The following ZNF600 variants were observed in gnomAD, a reference collection of about 807,000 sequenced individuals.
The protein encoded by ZNF600 is zinc finger protein 600.
In ZNF600, 4 loss-of-function variants were observed where a neutral mutation model predicts 7.3. That is an observed-to-expected ratio of 0.55 (90% confidence interval 0.27 to 1.25). The LOEUF (loss-of-function observed/expected upper bound fraction) is 1.25, where lower values mean the gene tolerates loss of function less well. ZNF600 is among the 50% of genes most tolerant of loss of function. The pLI, the probability that ZNF600 is intolerant of heterozygous loss-of-function variation, is 0.12. For missense variants in ZNF600, 911 were observed against 922.1 expected (o/e 0.99, Z 0.16); for synonymous variants, 290 against 308.9 (o/e 0.94, Z 0.64).
chr19:52,818,611 G>A, the ZNF600 span, among the ~76,000 whole-genome samples: 3 of 152,162 alleles, frequency 2.0e-5, no homozygotes, highest in Non-Finnish European at 2.9e-5. Flanking sequence ...TCAGGAGGCT[G>A]AGGTAGAATT....
rs532455655 is a variant in ZNF600, at chr19:52,767,948, C to G, written c.191-176G>C. The stretch of plus-strand genomic sequence containing the variant: ...TAATAAACAAGGGGCAATTACATGT[C>G]CTTCAAATCAATTCTATGAAAGTCT... On this transcript the variant is annotated intron_variant, in intron 3 of 3. Transcript: ENST00000648973. Among the ~76,000 whole-genome samples the G allele has an allele frequency of 1.8e-4, 27 of 152,202 alleles. No homozygotes were observed. In the East Asian group the frequency reaches 2.5e-3, roughly 14 times the overall value.
chr19:52,807,498 G>A, the ZNF600 span, among the ~76,000 whole-genome samples: 1 of 152,200 alleles, frequency 6.6e-6, no homozygotes, highest in African/African-American at 2.4e-5. Flanking sequence ...TTTTGAGACA[G>A]AGTCTTGCTC....
the ZNF600 span, among the ~76,000 whole-genome samples, chr19:52,824,664 G>A: frequency 2.2e-4 from 33 of 152,058 alleles, no homozygotes; most frequent in Middle Eastern, 3.4e-3. Context: ...CTTTAAAGAC[G>A]AAAATAAAGA....
chr19:52,766,032 A>T (rs767914082), exon 4 of ZNF600: 2 of 1,614,126 alleles, frequency 1.2e-6, no homozygotes, highest in Non-Finnish European at 1.7e-6. Context: ...TCCAGTATGA[A>T]GTCTACGATG....
At chr19:52,791,189 A>C (rs1328804003), upstream of ZNF600, among the ~76,000 whole-genome samples, 1 of 152,212 alleles carries the variant, frequency 6.6e-6, no homozygotes, top group Non-Finnish European at 1.5e-5. Context: ...ACATCCAGAC[A>C]TGGCCCCTGA....
intron 1 of ZNF600, among the ~76,000 whole-genome samples, chr19:52,785,704 T>C (rs2090006895): frequency 1.3e-5 from 2 of 152,078 alleles, no homozygotes; most frequent in Non-Finnish European, 2.9e-5. Context: ...CTCCAGCACC[T>C]CAGATCCCCA....
intron 1 of ZNF600, among the ~76,000 whole-genome samples, 155 bp from the exon 2 acceptor site, chr19:52,781,619 A>T (rs2062722306): frequency 6.6e-6 from 1 of 152,154 alleles, no homozygotes; most frequent in African/African-American, 2.4e-5. Flanking sequence ...ACAAAAAATT[A>T]GCCAGGCATC....
the ZNF600 span, chr19:52,809,960 C>A: frequency 8.7e-6 from 7 of 804,850 alleles, no homozygotes. Flanking sequence ...GCGCAGGGGA[C>A]GATGGGAACG....
At chr19:52,766,586 G>C (rs562524717) in exon 4 of ZNF600, 1 of 1,613,880 alleles carries the variant, frequency 6.2e-7, no homozygotes, top group African/African-American at 1.3e-5. Context: ...CCTTGTCACA[G>C]ACCTTACATT....
At chr19:52,767,882 T>C (rs1961390557) in intron 3 of ZNF600, 110 bp from the exon 6 acceptor site, 3 of 1,412,740 alleles carry the variant, frequency 2.1e-6, no homozygotes. Context: ...TTCCCAAATA[T>C]CATCTTCAAA....
chr19:52,776,439 T>G (rs2062676061), intron 2 of ZNF600, among the ~76,000 whole-genome samples: 1 of 151,248 alleles, frequency 6.6e-6, no homozygotes, highest in African/African-American at 2.4e-5. Flanking sequence ...TGAGATGGAG[T>G]CTCACTCTAT....
At chr19:52,791,917 C>T in the ZNF600 span, among the ~76,000 whole-genome samples, 2 of 152,210 alleles carry the variant, frequency 1.3e-5, no homozygotes, top group Non-Finnish European at 2.9e-5. Flanking sequence ...ACAGGCTGAG[C>T]TCAGCCCTCA....
chr19:52,830,794 G>T, the ZNF600 span, among the ~76,000 whole-genome samples: 70 of 149,286 alleles, frequency 4.7e-4, no homozygotes, highest in African/African-American at 1.6e-3. Flanking sequence ...TATCATGTGA[G>T]GCAAGGCCAG....
chr19:52,782,496 C>G (rs911093176), intron 1 of ZNF600, among the ~76,000 whole-genome samples: 3 of 151,326 alleles, frequency 2.0e-5, no homozygotes, highest in Non-Finnish European at 4.4e-5. Context: ...GCACTTCAGC[C>G]TGGGCAACAA....
upstream of ZNF600, chr19:52,786,845 C>G (rs1974834): frequency 5.2e-5 from 14 of 269,792 alleles, no homozygotes; most frequent in South Asian, 2.1e-4. Context: ...GGCGGGGCCC[C>G]AGGCGGAGAG....
At chr19:52,771,316 C>T (rs970394443) in intron 3 of ZNF600, among the ~76,000 whole-genome samples, 10 of 152,066 alleles carry the variant, frequency 6.6e-5, no homozygotes, top group Non-Finnish European at 1.0e-4. Context: ...AAATAAATTT[C>T]TATGTCTTAA....
upstream of ZNF600, among the ~76,000 whole-genome samples, chr19:52,790,630 G>A (rs2062788681): frequency 6.6e-6 from 1 of 150,590 alleles, no homozygotes; most frequent in East Asian, 2.0e-4. Flanking sequence ...TCTAAATTGT[G>A]CCTTTGTACT....
At chr19:52,767,015 C>T (rs776936329) in exon 4 of ZNF600, 2 of 1,613,942 alleles carry the variant, frequency 1.2e-6, no homozygotes, top group African/African-American at 1.3e-5. Context: ...ACTCATTACA[C>T]TTGTGAGATT....
exon 4 of ZNF600, chr19:52,766,123 G>C: frequency 6.2e-7 from 1 of 1,613,822 alleles, no homozygotes; most frequent in Non-Finnish European, 8.5e-7. Context: ...TGAAGTCTAC[G>C]ATGGCAATGA....
Sources: allele counts gnomAD v4.1 joint callset (sites outside exome capture counted in the v4.1 genomes callset), GRCh38; gene constraint gnomAD v4.1.1; transcripts MANE v1.5; gene names NCBI Gene and HGNC (gene_info 2026-07-23, HGNC 2026-07-21).